The following PPFIA2 variants were observed in gnomAD, a reference collection of about 807,000 sequenced individuals.
The protein encoded by PPFIA2 is liprin-alpha-2.
A neutral mutation model predicts 175.5 loss-of-function variants in PPFIA2; 46 were observed. The observed-to-expected ratio is 0.26, with a 90% CI of 0.21 to 0.34. The LOEUF (loss-of-function observed/expected upper bound fraction) is 0.34, where lower values mean the gene tolerates loss of function less well. PPFIA2 is among the 10% of genes least tolerant of loss of function. PPFIA2 has a pLI of 1.00. For missense variants in PPFIA2, 1,179 were observed against 1,506.1 expected (o/e 0.78, Z 3.60); for synonymous variants, 568 against 511.4 (o/e 1.11, Z -1.49).
At chr12:81,660,089 G>T (rs1166468701) in intron 4 of PPFIA2, among the ~76,000 whole-genome samples, 1 of 152,022 alleles carries the variant, frequency 6.6e-6, no homozygotes, top group Non-Finnish European at 1.5e-5. Flanking sequence ...AAACCACAAA[G>T]ATGGGGAAAA....
chr12:81,624,402 T>G (rs2062431812), intron 4 of PPFIA2, among the ~76,000 whole-genome samples: 1 of 147,856 alleles, frequency 6.8e-6, no homozygotes, highest in African/African-American at 2.5e-5. Flanking sequence ...TGATTTTATA[T>G]TTCACTATAA....
intron 4 of PPFIA2, among the ~76,000 whole-genome samples, chr12:81,555,775 C>T (rs1046871443): frequency 3.3e-5 from 5 of 151,810 alleles, no homozygotes; most frequent in Non-Finnish European, 5.9e-5. Context: ...AGAAAACATA[C>T]AGAATCCCAC....
At chr12:81,541,711 T>A (rs1446297491) in intron 4 of PPFIA2, among the ~76,000 whole-genome samples, 1 of 152,176 alleles carries the variant, frequency 6.6e-6, no homozygotes, top group Admixed American at 6.6e-5. Context: ...TATTTGGCAT[T>A]TTTGTGATCA....
At chr12:81,324,983 T>C (rs1404415842) in intron 22 of PPFIA2, among the ~76,000 whole-genome samples, 1 of 151,982 alleles carries the variant, frequency 6.6e-6, no homozygotes, top group Non-Finnish European at 1.5e-5. Flanking sequence ...CCTAAGAGCC[T>C]ATCTGTTACC....
intron 4 of PPFIA2, among the ~76,000 whole-genome samples, chr12:81,509,982 A>G (rs1336195934): frequency 6.6e-6 from 1 of 152,146 alleles, no homozygotes; most frequent in African/African-American, 2.4e-5. Context: ...CACCAAAGAT[A>G]AAAGCAACCT....
rs780957364 is a variant in PPFIA2 at position 81,351,738 on chromosome 12, T to TAAA, written c.1994+1378_1994+1380dup. On this transcript the variant is annotated intron_variant, in intron 17 of 32. Transcript: ENST00000549396. ...GGGAGACTATGTCTCTACAAAAAATTAAAAAAAAAAAAAAAAAAAAGACAG... is the reference window on the plus strand; with the variant it reads ...GGGAGACTATGTCTCTACAAAAAATTAAAAAAAAAAAAAAAAAAAAAAAGACAG... Among the ~76,000 whole-genome samples, 6 of 92,326 alleles carry TAAA rather than the reference T, an allele frequency of 6.5e-5. No individual in the cohort carries two copies. In the South Asian group the frequency reaches 2.0e-3, roughly 31 times the overall value. 60.6% of individuals were successfully genotyped at this position (92,326 alleles called of 152,430 possible). A position where few individuals can be genotyped will look rare whatever the true frequency, so the allele number is the denominator to read the frequency against.
intron 28 of PPFIA2, among the ~76,000 whole-genome samples, chr12:81,269,512 T>C (rs1275908214): frequency 3.3e-5 from 5 of 152,214 alleles, no homozygotes; most frequent in African/African-American, 1.2e-4. Context: ...TTGAAAATCC[T>C]TATTTATCTT....
At position 81,675,883 on chromosome 12, in the gene PPFIA2, T is replaced by C. The variant is rs541935018; in HGVS notation, c.303+908A>G. ...AAAATAAAAAGAAGGAAAAGAACTA[T>C]AATACATTTTTTAGCCATACTTTAG... On this transcript the variant is annotated intron_variant, in intron 4 of 32. Coordinates refer to ENST00000549396, the MANE Select transcript of PPFIA2 (RefSeq NM_003625.5). Among the ~76,000 whole-genome samples, 11 of 152,174 alleles carry C rather than the reference T, an allele frequency of 7.2e-5. No homozygotes were observed. The South Asian group carries it at 2.3e-3, about 32-fold the overall frequency.
At chr12:81,392,048 C>T (rs1030117650) in intron 8 of PPFIA2, among the ~76,000 whole-genome samples, 5 of 151,666 alleles carry the variant, frequency 3.3e-5, no homozygotes, top group African/African-American at 7.3e-5. Context: ...CTTACATTTT[C>T]GATGGATTCC....
chr12:81,444,926 G>A (rs573600731), intron 6 of PPFIA2, among the ~76,000 whole-genome samples: 2 of 151,908 alleles, frequency 1.3e-5, no homozygotes, highest in African/African-American at 4.8e-5. Flanking sequence ...CATCATATTG[G>A]TTTATATATG....
At chr12:81,484,308 G>T (rs2058581973) in intron 4 of PPFIA2, among the ~76,000 whole-genome samples, 1 of 152,002 alleles carries the variant, frequency 6.6e-6, no homozygotes, top group African/African-American at 2.4e-5. Flanking sequence ...TTTAACCACA[G>T]TGATGCTGAT....
Position 81,339,262 on chromosome 12 carries a change from G to C in PPFIA2, c.2466C>G (p.His822Gln), listed in dbSNP as rs1215537482. 1 of 1,611,030 alleles carries C rather than the reference G, an allele frequency of 6.2e-7. No homozygotes were observed. Among genetic ancestry groups the C allele is most frequent in the Admixed American group, 1.7e-5 (1 of 59,610 alleles). The change falls in exon 21 of 33, where the codon CAC becomes CAG. Residue 822 changes from histidine (H) to glutamine (Q), a missense_variant. His to Gln is a conservative substitution (Grantham distance 24). Around this residue, in one of 10 missense-constraint regions of PPFIA2, gnomAD observed 223 missense variants for 241.6 expected, o/e 0.92. Transcript: ENST00000549396. Reference protein sequence around the residue: ...GSANSSQDSLHKAPKKKGIKS... With the variant: ...GSANSSQDSLQKAPKKKGIKS... ...TGATTCCTTTCTTCTTGGGGGCTTTGTGAAGAGAGTCTTGGCTGCTGTTGG... is the reference window on the plus strand; with the variant it reads ...TGATTCCTTTCTTCTTGGGGGCTTTCTGAAGAGAGTCTTGGCTGCTGTTGG...
chr12:81,642,837 T>TATGTATGTATATAA, intron 4 of PPFIA2, among the ~76,000 whole-genome samples: 1 of 134,384 alleles, frequency 7.4e-6, no homozygotes, highest in African/African-American at 2.8e-5. Flanking sequence ...TATGTATGTA[T>TATGTATGTATATAA]TACATACATA....
intron 22 of PPFIA2, among the ~76,000 whole-genome samples, chr12:81,320,977 T>C (rs936017871): frequency 3.3e-5 from 5 of 149,978 alleles, no homozygotes; most frequent in African/African-American, 4.9e-5. Context: ...GGTAGAAAAA[T>C]GAAACAAAAC....
intron 4 of PPFIA2, among the ~76,000 whole-genome samples, chr12:81,667,471 C>T (rs537010035): frequency 1.3e-5 from 2 of 152,146 alleles, no homozygotes; most frequent in African/African-American, 4.8e-5. Flanking sequence ...TTGGTGCTCA[C>T]ACCATCTGAC....
At chr12:81,609,216 T>C (rs963087130) in intron 4 of PPFIA2, among the ~76,000 whole-genome samples, 3 of 152,150 alleles carry the variant, frequency 2.0e-5, no homozygotes, top group Non-Finnish European at 4.4e-5. Flanking sequence ...AATCTTAAAA[T>C]ATGTTCTGTG....
intron 22 of PPFIA2, chr12:81,312,111 G>T: frequency 6.6e-7 from 1 of 1,519,288 alleles, no homozygotes; most frequent in Non-Finnish European, 8.8e-7. Context: ...GAAAAAAAAA[G>T]ATGGCGCTGA....
At position 81,373,781 on chromosome 12, in the gene PPFIA2, A is replaced by G. The variant is rs193001945; in HGVS notation, c.1266+853T>C. Among the ~76,000 whole-genome samples, 81 of 152,172 alleles carry G rather than the reference A, an allele frequency of 5.3e-4. 1 individual carries two copies. Among genetic ancestry groups the G allele is most frequent in the African/African-American group, 1.9e-3 (80 of 41,556 alleles). ...TATTTTGGGTAAATCCTAATCCCGT[A>G]ATTTTAAACTTGAAGTCCAGATACC... On this transcript the variant is annotated intron_variant, in intron 11 of 32. Transcript: ENST00000549396.
At chr12:81,295,286 C>T (rs1181353645) in intron 23 of PPFIA2, among the ~76,000 whole-genome samples, 2 of 152,196 alleles carry the variant, frequency 1.3e-5, no homozygotes, top group African/African-American at 4.8e-5. Flanking sequence ...TCTATTTTAA[C>T]TAATTCATAT....
Sources: allele counts gnomAD v4.1 joint callset (sites outside exome capture counted in the v4.1 genomes callset), GRCh38; gene constraint gnomAD v4.1.1; regional missense constraint gnomAD v4.1.1; transcripts MANE v1.5; gene names NCBI Gene and HGNC (gene_info 2026-07-23, HGNC 2026-07-21).